BMPR1B: variants seen among roughly 807,000 people sequenced by gnomAD.
The protein encoded by BMPR1B is bone morphogenetic protein receptor type 1B, also known as bone morphogenetic protein receptor type-1B.
Under a neutral mutation model 59.1 loss-of-function variants are expected in BMPR1B, and 12 were observed. The ratio of observed to expected loss-of-function variants is 0.20; its 90% CI spans 0.13 to 0.33. BMPR1B has a LOEUF of 0.33. Ranked by LOEUF, BMPR1B falls within the 10% of genes least tolerant of loss-of-function variation. The pLI, the probability that BMPR1B is intolerant of heterozygous loss-of-function variation, is 1.00. For synonymous variants in BMPR1B, 237 were observed against 207.3 expected (o/e 1.14, Z -1.23); for missense variants, 550 against 610.9 (o/e 0.90, Z 1.05).
intron 1 of BMPR1B, among the ~76,000 whole-genome samples, chr4:94,770,888 CAAAA>C (rs11292596): frequency 7.9e-5 from 7 of 88,266 alleles, no homozygotes; most frequent in African/African-American, 1.7e-4. Context: ...ATTAGCCCTG[CAAAA>C]AAAAAAAAAA....
intron 12 of BMPR1B, among the ~76,000 whole-genome samples, chr4:95,153,482 G>C (rs1336835400): frequency 6.6e-6 from 1 of 152,038 alleles, no homozygotes; most frequent in East Asian, 1.9e-4. Context: ...AAAAAAACAG[G>C]CTCTTATCAA....
At chr4:94,962,794 A>G (rs1001757756) in intron 2 of BMPR1B, among the ~76,000 whole-genome samples, 2 of 152,160 alleles carry the variant, frequency 1.3e-5, no homozygotes, top group African/African-American at 4.8e-5. Context: ...GAATGTAGCT[A>G]TGTGTTCTGT....
intron 3 of BMPR1B, among the ~76,000 whole-genome samples, chr4:95,087,442 A>C (rs1037975777): frequency 1.3e-5 from 2 of 152,134 alleles, no homozygotes; most frequent in African/African-American, 4.8e-5. Flanking sequence ...TTTAGAAATT[A>C]CCTCTCAGCC....
chr4:95,126,465 A>T (rs962799172), intron 8 of BMPR1B, among the ~76,000 whole-genome samples: 1 of 152,182 alleles, frequency 6.6e-6, no homozygotes, highest in African/African-American at 2.4e-5. Context: ...GGCCTTTAAA[A>T]CTAAATCAAA....
intron 3 of BMPR1B, among the ~76,000 whole-genome samples, chr4:95,040,675 T>G (rs895984022): frequency 1.3e-5 from 2 of 152,220 alleles, no homozygotes; most frequent in African/African-American, 4.8e-5. Context: ...CTTTAACTTG[T>G]GGACTCCAGG....
At chr4:94,783,288 G>T (rs919740826) in intron 1 of BMPR1B, among the ~76,000 whole-genome samples, 17 of 152,146 alleles carry the variant, frequency 1.1e-4, no homozygotes, top group Non-Finnish European at 1.9e-4. Flanking sequence ...TTTGAGGTTT[G>T]TTCTGATTCC....
chr4:94,935,534 G>A (rs1373152831), intron 2 of BMPR1B, among the ~76,000 whole-genome samples: 6 of 152,126 alleles, frequency 3.9e-5, no homozygotes, highest in African/African-American at 1.4e-4. Flanking sequence ...AGTAATGAAA[G>A]AAAATCAAGA....
chr4:95,040,994 C>G (rs542155910), intron 3 of BMPR1B, among the ~76,000 whole-genome samples: 146 of 152,278 alleles, frequency 9.6e-4, no homozygotes, highest in African/African-American at 3.2e-3. Context: ...TCCTCAATTC[C>G]TTGGCACCTC....
At chr4:95,063,622 A>G (rs1560626534) in intron 3 of BMPR1B, among the ~76,000 whole-genome samples, 1 of 152,196 alleles carries the variant, frequency 6.6e-6, no homozygotes, top group Non-Finnish European at 1.5e-5. Context: ...ATATGACTTG[A>G]TATTCAAAAA....
chr4:95,036,878 T>G (rs147794876), intron 3 of BMPR1B, among the ~76,000 whole-genome samples: 5 of 152,190 alleles, frequency 3.3e-5, no homozygotes, highest in African/African-American at 1.2e-4. Context: ...CTTGTCGGCA[T>G]TTGTTATTGC....
chr4:94,818,953 A>G (rs1724107830), intron 1 of BMPR1B, among the ~76,000 whole-genome samples: 2 of 151,940 alleles, frequency 1.3e-5, no homozygotes, highest in Non-Finnish European at 2.9e-5. Flanking sequence ...GCAATATGGC[A>G]AGATCCCAAC....
intron 3 of BMPR1B, among the ~76,000 whole-genome samples, chr4:95,062,419 G>T (rs114421951): frequency 0.018 from 2,801 of 152,226 alleles, 98 homozygotes; most frequent in African/African-American, 0.064. Context: ...CTTATGCATA[G>T]TTTGTTCTGA....
At chr4:95,044,992 C>T (rs538635840) in intron 3 of BMPR1B, among the ~76,000 whole-genome samples, 1 of 152,084 alleles carries the variant, frequency 6.6e-6, no homozygotes, top group South Asian at 2.1e-4. Context: ...TTTGGTACAA[C>T]ATGTATGAAA....
At chr4:94,925,130 T>G (rs1728836829) in intron 2 of BMPR1B, among the ~76,000 whole-genome samples, 1 of 152,084 alleles carries the variant, frequency 6.6e-6, no homozygotes, top group African/African-American at 2.4e-5. Context: ...TCAATCTCCC[T>G]CTTCCTATTT....
chr4:95,137,991 C>T (rs1733934248), intron 10 of BMPR1B, among the ~76,000 whole-genome samples: 1 of 152,188 alleles, frequency 6.6e-6, no homozygotes, highest in Non-Finnish European at 1.5e-5. Flanking sequence ...GATGCAGTTT[C>T]TTCCTAGCAT....
chr4:94,785,714 C>T (rs1034808784), intron 1 of BMPR1B, among the ~76,000 whole-genome samples: 2 of 151,960 alleles, frequency 1.3e-5, no homozygotes, highest in African/African-American at 4.8e-5. Context: ...AAAATTAACC[C>T]CAAGATATAA....
chr4:94,880,952 A>C (rs1223092769), intron 2 of BMPR1B, among the ~76,000 whole-genome samples: 2 of 152,162 alleles, frequency 1.3e-5, no homozygotes, highest in Non-Finnish European at 2.9e-5. Flanking sequence ...TATTTTAATC[A>C]ACTTTTAAAG....
At chr4:95,093,215 T>G (rs1730122368) in intron 3 of BMPR1B, among the ~76,000 whole-genome samples, 1 of 152,158 alleles carries the variant, frequency 6.6e-6, no homozygotes, top group Non-Finnish European at 1.5e-5. Context: ...CTTATATTGT[T>G]GCTTTTATTA....
At chr4:95,138,695 G>A (rs1418722697) in intron 10 of BMPR1B, among the ~76,000 whole-genome samples, 12 of 151,912 alleles carry the variant, frequency 7.9e-5, no homozygotes, top group Admixed American at 3.3e-4. Context: ...TCACTTGATC[G>A]AATCGACTAC....
Sources: gnomAD v4.1 joint callset for allele counts (sites outside exome capture counted in the v4.1 genomes callset) on GRCh38, gnomAD v4.1.1 for gene constraint, MANE v1.5 for transcripts, NCBI Gene and HGNC (gene_info 2026-07-23, HGNC 2026-07-21) for gene names.